CNTNAP2: variants seen among roughly 807,000 people sequenced by gnomAD.
The protein encoded by CNTNAP2 is contactin-associated protein-like 2.
A neutral mutation model predicts 155.2 loss-of-function variants in CNTNAP2; 98 were observed. The observed-to-expected ratio is 0.63, with a 90% CI of 0.54 to 0.75. The LOEUF is 0.75. Among genes scored for constraint, CNTNAP2 ranks in the 30% least tolerant of loss-of-function variants. CNTNAP2 has a pLI of 0.00. For missense variants in CNTNAP2, 1,727 were observed against 1,688.1 expected (o/e 1.02, Z -0.40); for synonymous variants, 651 against 631.2 (o/e 1.03, Z -0.47).
chr7:147,414,941 C>CAAAAAAA (rs67048724), intron 10 of CNTNAP2, among the ~76,000 whole-genome samples: 132 of 50,792 alleles, frequency 2.6e-3, no homozygotes, highest in East Asian at 4.6e-3. Context: ...GACTCCTTCT[C>CAAAAAAA]AAAAAAAAAA....
At chr7:146,767,669 C>T (rs900758195) in intron 1 of CNTNAP2, among the ~76,000 whole-genome samples, 2 of 152,216 alleles carry the variant, frequency 1.3e-5, no homozygotes, top group African/African-American at 2.4e-5. Context: ...GATATATAAG[C>T]TAGATTGAGT....
At chr7:146,235,267 G>A (rs573805478) in intron 1 of CNTNAP2, among the ~76,000 whole-genome samples, 1 of 151,434 alleles carries the variant, frequency 6.6e-6, no homozygotes, top group Non-Finnish European at 1.5e-5. Flanking sequence ...GTGGGTTTTG[G>A]GGGAGGGTGG....
chr7:146,181,557 A>G (rs1798549729), intron 1 of CNTNAP2, among the ~76,000 whole-genome samples: 1 of 152,150 alleles, frequency 6.6e-6, no homozygotes, highest in South Asian at 2.1e-4. Flanking sequence ...ATGCCATCCA[A>G]TAACTTTTTT....
intron 1 of CNTNAP2, among the ~76,000 whole-genome samples, chr7:146,149,433 A>G (rs951262442): frequency 6.6e-6 from 1 of 152,166 alleles, no homozygotes; most frequent in Non-Finnish European, 1.5e-5. Context: ...AGAAGCTTGA[A>G]AGTTCACAGA....
intron 12 of CNTNAP2, among the ~76,000 whole-genome samples, chr7:147,625,866 C>T (rs563913398): frequency 6.6e-6 from 1 of 152,342 alleles, no homozygotes; most frequent in South Asian, 2.1e-4. Flanking sequence ...TCCAAACATA[C>T]ATTTCTACTG....
intron 13 of CNTNAP2, among the ~76,000 whole-genome samples, chr7:147,820,294 A>G (rs1798341353): frequency 6.6e-6 from 1 of 151,888 alleles, no homozygotes; most frequent in African/African-American, 2.4e-5. Flanking sequence ...TGGTTATTGC[A>G]TGTCTTTTGT....
At chr7:147,136,661 T>C (rs1176379435) in intron 8 of CNTNAP2, among the ~76,000 whole-genome samples, 1 of 151,972 alleles carries the variant, frequency 6.6e-6, no homozygotes, top group African/African-American at 2.4e-5. Flanking sequence ...AATATCTCTG[T>C]TCTTGATTTT....
At chr7:148,124,838 G>C (rs1215598918) in intron 16 of CNTNAP2, among the ~76,000 whole-genome samples, 3 of 152,096 alleles carry the variant, frequency 2.0e-5, no homozygotes, top group Non-Finnish European at 4.4e-5. Flanking sequence ...TCGGTGGAGA[G>C]GTATGTGACC....
At chr7:147,810,969 G>C (rs1798170436) in intron 13 of CNTNAP2, among the ~76,000 whole-genome samples, 1 of 152,314 alleles carries the variant, frequency 6.6e-6, no homozygotes, top group South Asian at 2.1e-4. Context: ...CTGTTCAAGA[G>C]AGGCACTCAG....
At chr7:146,760,409 C>CTTTTTTTTTTTTTTTGTTTTTTT (rs1802074596) in intron 1 of CNTNAP2, among the ~76,000 whole-genome samples, 1 of 56,276 alleles carries the variant, frequency 1.8e-5, no homozygotes, top group Non-Finnish European at 3.0e-5. Flanking sequence ...TCCAATTTAC[C>CTTTTTTTTTTTTTTTGTTTTTTT]TTTTTTTTTT....
At chr7:147,395,448 T>C (rs886919043) in intron 9 of CNTNAP2, among the ~76,000 whole-genome samples, 161 bp from the exon 10 acceptor site, 3 of 152,016 alleles carry the variant, frequency 2.0e-5, no homozygotes, top group African/African-American at 7.2e-5. Flanking sequence ...AATCTCACTT[T>C]CTCAAAAAAC....
intron 1 of CNTNAP2, among the ~76,000 whole-genome samples, chr7:146,661,895 G>T (rs1473408045): frequency 1.3e-5 from 2 of 151,966 alleles, no homozygotes; most frequent in East Asian, 1.9e-4. Context: ...AACAAACATG[G>T]TTATACCATT....
intron 2 of CNTNAP2, among the ~76,000 whole-genome samples, chr7:146,781,176 C>A (rs1011634683): frequency 6.0e-5 from 9 of 149,150 alleles, no homozygotes; most frequent in African/African-American, 2.0e-4. Flanking sequence ...TGCACTGAGC[C>A]CAGATCGCGC....
At position 148,098,425 on chromosome 7, in the gene CNTNAP2, A is replaced by C. The variant is rs189353387; in HGVS notation, c.2384-19693A>C. Among the ~76,000 whole-genome samples, 427 of 127,732 alleles carry C rather than the reference A, an allele frequency of 3.3e-3. 1 individual carries two copies. The highest frequency in any genetic ancestry group is 0.012 in the Admixed American group (120 of 10,160). 83.8% of individuals were successfully genotyped at this position (127,732 alleles called of 152,430 possible). A position where few individuals can be genotyped will look rare whatever the true frequency, so the allele number is the denominator to read the frequency against. On this transcript the variant is annotated intron_variant, in intron 15 of 23. Transcript: ENST00000361727. ...CGCCACTGCACTCCAGCTTGGTGAC[A>C]GAGCGAGACTCTGTCTCAGAAAAAA...
rs756274887 is a variant in CNTNAP2, at chr7:147,300,250, T to C, written c.1458T>C (p.Ser486=). ...GDEASAVRTN[S]PLQVKTGEKY... The stretch of plus-strand genomic sequence containing the variant: ...AAGCATCAGCAGTTCGAACTAATAG[T>C]CCCCTTCAAGTTAAAACTGGCGAGA... Residue 486 remains serine (S), a synonymous_variant, in exon 9 of 24, where the codon AGT becomes AGC. Coordinates refer to ENST00000361727, the MANE Select transcript of CNTNAP2 (RefSeq NM_014141.6). The C allele has an allele frequency of 6.2e-7, 1 of 1,613,888 alleles. No individual in the cohort carries two copies. Among genetic ancestry groups the C allele is most frequent in the South Asian group, 1.1e-5 (1 of 91,084 alleles).
chr7:147,505,991 T>C (rs1445381646), intron 11 of CNTNAP2, among the ~76,000 whole-genome samples: 2 of 152,198 alleles, frequency 1.3e-5, no homozygotes, highest in Non-Finnish European at 2.9e-5. Flanking sequence ...GCATCACTTA[T>C]CATTACAGCA....
chr7:147,694,560 T>C (rs528266520), intron 13 of CNTNAP2, among the ~76,000 whole-genome samples: 8 of 152,260 alleles, frequency 5.3e-5, no homozygotes, highest in Non-Finnish European at 7.4e-5. Context: ...TTTATTCTCA[T>C]GTGAGTTTTT....
intron 8 of CNTNAP2, among the ~76,000 whole-genome samples, chr7:147,241,173 C>A (rs1302548292): frequency 6.6e-6 from 1 of 152,152 alleles, no homozygotes; most frequent in African/African-American, 2.4e-5. Flanking sequence ...TCTTTAACAA[C>A]GTTTCTCTCT....
chr7:147,203,523 C>T (rs757437476), intron 8 of CNTNAP2, among the ~76,000 whole-genome samples: 13 of 152,148 alleles, frequency 8.5e-5, no homozygotes, highest in East Asian at 3.9e-4. Flanking sequence ...TGAGCCACCA[C>T]GCCCAGGCTC....
Sources: gnomAD v4.1 joint callset for allele counts (sites outside exome capture counted in the v4.1 genomes callset) on GRCh38, gnomAD v4.1.1 for gene constraint, MANE v1.5 for transcripts, NCBI Gene and HGNC (gene_info 2026-07-23, HGNC 2026-07-21) for gene names.